CA5B: variants seen among roughly 807,000 people sequenced by gnomAD.
CA5B encodes the protein carbonic anhydrase 5B.
In CA5B, 15 loss-of-function variants were observed where a neutral mutation model predicts 23.1. The ratio of observed to expected loss-of-function variants is 0.65; its 90% confidence interval spans 0.43 to 1.00. CA5B has a LOEUF of 1.00. CA5B is among the 50% of genes least tolerant of loss of function. CA5B has a pLI of 0.00. For missense variants in CA5B, 236 were observed against 252.2 expected, an observed-to-expected ratio of 0.94 and a Z score of 0.43; for synonymous variants, 84 against 98.5, an observed-to-expected ratio of 0.85 and a Z score of 0.87.
chrX:15,755,063 T>G (rs1465325084), intron 2 of CA5B, among the ~76,000 whole-genome samples: 1 of 112,543 alleles, frequency 8.9e-6, no homozygotes, highest in African/African-American at 3.2e-5. Context: ...CCAATTAATT[T>G]TGAAGAATAA....
chrX:15,743,292 A>G (rs1931159690), intron 1 of CA5B, among the ~76,000 whole-genome samples: 1 of 112,388 alleles, frequency 8.9e-6, no homozygotes, highest in East Asian at 2.8e-4. Context: ...CAATATATTT[A>G]AAAATATAAT....
chrX:15,771,224 A>C (rs1158142846), intron 3 of CA5B, among the ~76,000 whole-genome samples: 1 of 103,080 alleles, frequency 9.7e-6, no homozygotes, highest in Admixed American at 1.0e-4. Flanking sequence ...AAAAAAAAAA[A>C]GCCTGGCATG....
At chrX:15,747,818 G>GGT (rs1931265639) in intron 1 of CA5B, among the ~76,000 whole-genome samples, 2 of 111,252 alleles carry the variant, frequency 1.8e-5, no homozygotes, top group Middle Eastern at 9.3e-3. Flanking sequence ...CCCTGGGTTC[G>GGT]GTGTCTCACA....
intron 7 of CA5B, among the ~76,000 whole-genome samples, chrX:15,779,657 G>A (rs762046470): frequency 3.7e-4 from 41 of 111,431 alleles, no homozygotes; most frequent in Non-Finnish European, 7.4e-4. Context: ...CCATCATTCA[G>A]ACCTTACACA....
chrX:15,747,070 A>G (rs753150775), intron 1 of CA5B, among the ~76,000 whole-genome samples: 49 of 111,662 alleles, frequency 4.4e-4, no homozygotes, highest in Admixed American at 1.2e-3. Context: ...GCTGCTATCA[A>G]TTTTGTTTCA....
At chrX:15,776,354 A>AG (rs1412731604) in intron 6 of CA5B, among the ~76,000 whole-genome samples, 7 of 108,282 alleles carry the variant, frequency 6.5e-5, no homozygotes, top group Non-Finnish European at 1.3e-4. Flanking sequence ...AAAAAAAAAA[A>AG]AAAGAAAAAA....
At chrX:15,742,656 C>T (rs1290286407) in intron 1 of CA5B, among the ~76,000 whole-genome samples, 1 of 112,765 alleles carries the variant, frequency 8.9e-6, no homozygotes, top group Non-Finnish European at 1.9e-5. Flanking sequence ...TGGAATTACA[C>T]GCATGAGGCA....
chrX:15,760,649 C>G (rs1931586704), intron 2 of CA5B, among the ~76,000 whole-genome samples: 1 of 111,315 alleles, frequency 9.0e-6, no homozygotes, highest in African/African-American at 3.3e-5. Flanking sequence ...CAGTTCTTCC[C>G]TAGTTGTCAC....
chrX:15,780,353 A>G (rs1387913506), intron 7 of CA5B, among the ~76,000 whole-genome samples: 1 of 108,825 alleles, frequency 9.2e-6, no homozygotes, highest in Non-Finnish European at 1.9e-5. Flanking sequence ...GCTCACTGCA[A>G]CCTCTGCCTT....
intron 6 of CA5B, among the ~76,000 whole-genome samples, chrX:15,776,455 C>T (rs1230547280): frequency 9.0e-6 from 1 of 111,510 alleles, no homozygotes; most frequent in Non-Finnish European, 1.9e-5. Context: ...GCTGGAACCT[C>T]ACTAGAATTG....
chrX:15,771,900 C>T (rs1205315842), intron 3 of CA5B, among the ~76,000 whole-genome samples: 1 of 110,507 alleles, frequency 9.0e-6, no homozygotes, highest in Non-Finnish European at 1.9e-5. Context: ...TACTGTTACT[C>T]TTTTAGTAAT....
Position 15,766,025 on chromosome X carries a change from C to T in CA5B, c.340+1250C>T, listed in dbSNP as rs1268814705. Among the ~76,000 whole-genome samples, 3 of 107,829 alleles carry T rather than the reference C, an allele frequency of 2.8e-5. No individual in the cohort carries two copies. In the Admixed American group the frequency reaches 3.0e-4, roughly 11 times the overall value. 93.6% of individuals were successfully genotyped at this position (107,829 alleles called of 115,157 possible). On this transcript the variant is annotated intron_variant, in intron 3 of 7. Coordinates refer to ENST00000318636, the MANE Select transcript of CA5B (RefSeq NM_007220.4). Reference sequence around the variant, plus strand: ...ACAAAGCATTAGCCGGGTGTGGTGGCGCATGCCTGTAATCCCAGCTACTCG... The same window carrying T: ...ACAAAGCATTAGCCGGGTGTGGTGGTGCATGCCTGTAATCCCAGCTACTCG...
At position 15,786,624 on chromosome X, in the gene CA5B, T is replaced by C. The variant is rs954848553; in HGVS notation, c.*3960T>C. The C allele has an allele frequency of 9.7e-6, 1 of 102,617 alleles. No individual in the cohort carries two copies. Among genetic ancestry groups the C allele is most frequent in the Non-Finnish European group, 2.0e-5 (1 of 50,351 alleles). The allele number at this position is 102,617 out of a possible 1,213,427, so 8.5% of individuals were successfully genotyped here. A position where few individuals can be genotyped will look rare whatever the true frequency, so the allele number is the denominator to read the frequency against. On this transcript the variant is annotated 3_prime_UTR_variant, in exon 8 of 8. Coordinates refer to ENST00000318636, the MANE Select transcript of CA5B (RefSeq NM_007220.4). ...TACTAGATCGATACAATGCTTTCTT[T>C]ACAGTATTAGTGGTTGGTGAAAGAC...
chrX:15,766,765 T>G, intron 3 of CA5B: 1 of 198,080 alleles, frequency 5.0e-6, no homozygotes, highest in South Asian at 6.7e-5. Flanking sequence ...GAAAGAAAAA[T>G]GATACTGATA....
intron 7 of CA5B, 25 bp downstream of exon 7, chrX:15,776,894 C>G (rs754595696): frequency 8.5e-7 from 1 of 1,176,782 alleles, no homozygotes; most frequent in Non-Finnish European, 1.2e-6. Flanking sequence ...TAATTTCAAT[C>G]TAAGGAAATC....
At chrX:15,762,230 A>G (rs1007627171) in intron 2 of CA5B, among the ~76,000 whole-genome samples, 1 of 107,542 alleles carries the variant, frequency 9.3e-6, no homozygotes, top group African/African-American at 3.4e-5. Context: ...AGATCATGCC[A>G]CTGCACTCCA....
chrX:15,774,290 A>G lies in CA5B; in HGVS notation c.460-12A>G. The G allele has an allele frequency of 8.3e-7, 1 of 1,202,361 alleles. No homozygotes were observed. The highest frequency in any genetic ancestry group is 1.1e-6 in the Non-Finnish European group (1 of 891,358). Reference sequence around the variant, plus strand: ...ATAGTCACGTGTTAACCCTCTTTTCATGGTGTTTCAGCTGCACTTAGTGCA... The same window carrying G: ...ATAGTCACGTGTTAACCCTCTTTTCGTGGTGTTTCAGCTGCACTTAGTGCA... On this transcript the variant is annotated splice_polypyrimidine_tract_variant and intron_variant, in intron 4 of 7. Coordinates refer to ENST00000318636, the MANE Select transcript of CA5B (RefSeq NM_007220.4).
rs1422099274 is a variant in CA5B, at chrX:15,783,908, G to A, written c.*1244G>A. ...TTTTCTTTTTTTTTTTTTTTTTTGA[G>A]ATGGAGTCTCGCTCTGTCCCCCAGG... On this transcript the variant is annotated 3_prime_UTR_variant, in exon 8 of 8. Transcript: ENST00000318636. 3.0e-5 allele frequency: 2 copies of A among 67,216 alleles called. No homozygotes were observed. Among genetic ancestry groups the A allele is most frequent in the South Asian group, 1.7e-3 (2 of 1,197 alleles). The allele number at this position is 67,216 out of a possible 1,213,427, so 5.5% of individuals were successfully genotyped here. A position where few individuals can be genotyped will look rare whatever the true frequency, so the allele number is the denominator to read the frequency against.
Position 15,782,462 on chromosome X carries a change from A to G in CA5B, c.775-23A>G, listed in dbSNP as rs778573328. ...AGCGAGTTTTCTGTTGAAATTATTT[A>G]TGCTTTCTGTTTCTATTTCTAGCTT... is the stretch of plus-strand genomic sequence containing the variant. On this transcript the variant is annotated intron_variant, in intron 7 of 7. Coordinates refer to ENST00000318636, the MANE Select transcript of CA5B (RefSeq NM_007220.4). 5.1e-6 allele frequency: 6 copies of G among 1,180,631 alleles called. No homozygotes were observed. The East Asian group carries it at 8.9e-5, about 18-fold the overall frequency.
Sources: gnomAD v4.1 joint callset for allele counts (sites outside exome capture counted in the v4.1 genomes callset) on GRCh38, gnomAD v4.1.1 for gene constraint, MANE v1.5 for transcripts, NCBI Gene and HGNC (gene_info 2026-07-23, HGNC 2026-07-21) for gene names.